Variants in MAN2A1 observed in about 807,000 individuals in gnomAD.
MAN2A1 encodes the protein mannosidase alpha class 2A member 1.
Under a neutral mutation model 142.6 loss-of-function variants are expected in MAN2A1, and 76 were observed. The observed-to-expected ratio is 0.53, with a 90% CI of 0.44 to 0.65. MAN2A1 has a LOEUF of 0.65. Ranked by LOEUF, MAN2A1 falls within the 30% of genes least tolerant of loss-of-function variation. The probability of loss-of-function intolerance (pLI) is 0.00; values close to 1 mark genes in which losing one functional copy is unlikely to be tolerated. For synonymous variants in MAN2A1, 559 were observed against 473.2 expected (o/e 1.18, Z -2.35); for missense variants, 1,311 against 1,365.1 (o/e 0.96, Z 0.62).
At chr5:109,839,110 G>A (rs1755131284) in intron 16 of MAN2A1, among the ~76,000 whole-genome samples, 1 of 151,996 alleles carries the variant, frequency 6.6e-6, no homozygotes, top group African/African-American at 2.4e-5. Context: ...TTCTTTTAGT[G>A]AATTAGAGTT....
intron 3 of MAN2A1, among the ~76,000 whole-genome samples, chr5:109,718,971 TATTCTTAAAAAAAAAAAAACTTATTTAAA>T (rs1175650496): frequency 5.4e-4 from 55 of 101,524 alleles, no homozygotes; most frequent in African/African-American, 3.6e-3. Flanking sequence ...TACTTATTTC[TATTCTTAAAAAAAAAAAAACTTATTTAAA>T]GTACTCTTTT....
chr5:109,790,447 G>C lies in MAN2A1; in HGVS notation c.1943+920G>C, dbSNP rs545485355. Among the ~76,000 whole-genome samples, 498 of 151,976 alleles carry C rather than the reference G, an allele frequency of 3.3e-3. 1 individual carries two copies. Among genetic ancestry groups the C allele is most frequent in the Non-Finnish European group, 4.5e-3 (307 of 67,876 alleles). On this transcript the variant is annotated intron_variant, in intron 12 of 21. Transcript: ENST00000261483. ...TAAGTAGAGACATAAGGTGTATACA[G>C]CTTATTCCTTAGAACGAGATAATAA...
chr5:109,793,407 G>A (rs1229216032), intron 12 of MAN2A1, among the ~76,000 whole-genome samples: 1 of 152,102 alleles, frequency 6.6e-6, no homozygotes, highest in Admixed American at 6.6e-5. Context: ...AACATAGCAA[G>A]AGTAATTACA....
intron 8 of MAN2A1, among the ~76,000 whole-genome samples, chr5:109,775,886 AT>A (rs1374597133): frequency 2.6e-5 from 4 of 152,028 alleles, no homozygotes; most frequent in African/African-American, 9.7e-5. Flanking sequence ...CATATATTGC[AT>A]TTGATCAAGT....
intron 20 of MAN2A1, among the ~76,000 whole-genome samples, chr5:109,860,816 C>T (rs1222470013): frequency 6.6e-6 from 1 of 152,104 alleles, no homozygotes; most frequent in Non-Finnish European, 1.5e-5. Context: ...ATTACAATTT[C>T]CAAAGCTTGG....
intron 1 of MAN2A1, among the ~76,000 whole-genome samples, chr5:109,709,824 A>C (rs1751245160): frequency 6.6e-6 from 1 of 152,202 alleles, no homozygotes; most frequent in Non-Finnish European, 1.5e-5. Flanking sequence ...CAAATCAAAG[A>C]ATAAAGTAGT....
At chr5:109,718,483 G>C (rs868211111) in intron 3 of MAN2A1, among the ~76,000 whole-genome samples, 1 of 152,278 alleles carries the variant, frequency 6.6e-6, no homozygotes, top group Middle Eastern at 3.4e-3. Context: ...TAGCTAACAA[G>C]GGGCACCAGA....
At chr5:109,740,938 G>A (rs1454592831) in intron 4 of MAN2A1, among the ~76,000 whole-genome samples, 2 of 151,744 alleles carry the variant, frequency 1.3e-5, no homozygotes, top group South Asian at 2.1e-4. Context: ...TTTTTCTTAG[G>A]TTGAACCATA....
intron 3 of MAN2A1, 111 bp downstream of exon 3, chr5:109,716,375 C>T (rs1254140543): frequency 2.5e-6 from 2 of 809,318 alleles, no homozygotes; most frequent in South Asian, 2.1e-5. Context: ...ACATTATTCT[C>T]TGACTTTTAA....
chr5:109,726,661 C>T (rs993539983), intron 3 of MAN2A1, among the ~76,000 whole-genome samples: 6 of 151,990 alleles, frequency 3.9e-5, no homozygotes, highest in Admixed American at 2.6e-4. Context: ...TTTGAAATGG[C>T]CTTAGTTCAT....
chr5:109,770,565 G>T (rs765976795), intron 7 of MAN2A1, 24 bp downstream of exon 7: 26 of 1,603,544 alleles, frequency 1.6e-5, no homozygotes, highest in Non-Finnish European at 3.4e-6. Flanking sequence ...TATTTCATAA[G>T]ACAACATCTT....
At chr5:109,800,589 G>T (rs1311476534) in intron 12 of MAN2A1, among the ~76,000 whole-genome samples, 1 of 152,192 alleles carries the variant, frequency 6.6e-6, no homozygotes, top group Non-Finnish European at 1.5e-5. Context: ...TATCAGTAAT[G>T]AATTGGTCAA....
intron 1 of MAN2A1, among the ~76,000 whole-genome samples, chr5:109,708,645 G>GCTGGTAGC (rs766078643): frequency 7.2e-5 from 11 of 152,014 alleles, no homozygotes; most frequent in Non-Finnish European, 1.3e-4. Context: ...AACCAGAGAA[G>GCTGGTAGC]CTGGTAGCAG....
At chr5:109,775,892 T>G (rs1193570219) in intron 8 of MAN2A1, among the ~76,000 whole-genome samples, 2 of 152,124 alleles carry the variant, frequency 1.3e-5, no homozygotes, top group African/African-American at 4.8e-5. Flanking sequence ...TTGCATTTGA[T>G]CAAGTTTTTA....
intron 20 of MAN2A1, among the ~76,000 whole-genome samples, chr5:109,859,345 C>T (rs1311036437): frequency 2.0e-5 from 3 of 152,162 alleles, no homozygotes; most frequent in African/African-American, 7.2e-5. Flanking sequence ...TTTAGACAGA[C>T]ATATCTTGCT....
At chr5:109,746,294 G>A (rs1355928896) in intron 4 of MAN2A1, among the ~76,000 whole-genome samples, 1 of 152,074 alleles carries the variant, frequency 6.6e-6, no homozygotes, top group African/African-American at 2.4e-5. Flanking sequence ...TTAGTTTTCA[G>A]TGCTTAGGAG....
At chr5:109,857,317 G>A (rs1459214409) in intron 20 of MAN2A1, among the ~76,000 whole-genome samples, 1 of 150,724 alleles carries the variant, frequency 6.6e-6, no homozygotes, top group Non-Finnish European at 1.5e-5. Context: ...GGATTCTGCT[G>A]TGGTTTTTTG....
At chr5:109,826,646 C>T (rs1343833831) in intron 16 of MAN2A1, among the ~76,000 whole-genome samples, 1 of 152,218 alleles carries the variant, frequency 6.6e-6, no homozygotes, top group Non-Finnish European at 1.5e-5. Flanking sequence ...ATTGCCTGAA[C>T]ACTCGGGTTG....
Position 109,784,803 on chromosome 5 carries a change from A to T in MAN2A1, c.1637A>T (p.Lys546Ile). 1.9e-6 allele frequency: 3 copies of T among 1,611,882 alleles called. No individual in the cohort carries two copies. The South Asian group carries it at 3.3e-5, about 18-fold the overall frequency. The change falls in exon 10 of 22, where the codon AAA (lysine) becomes ATA (isoleucine). Residue 546 changes from lysine to isoleucine, a missense_variant. Physicochemically the swap from Lys to Ile is moderately radical, Grantham distance 102. Coordinates refer to ENST00000261483, the MANE Select transcript of MAN2A1 (RefSeq NM_002372.4). The stretch of plus-strand genomic sequence containing the variant: ...CAAGCTCACAAATACAAGATAAATA[A>T]ATTTCTCTCATCATCACTTTACACG... ...LRQAHKYKIN[K>I]FLSSSLYTAL...
Sources: gnomAD v4.1 joint callset for allele counts (sites outside exome capture counted in the v4.1 genomes callset) on GRCh38, gnomAD v4.1.1 for gene constraint, MANE v1.5 for transcripts, NCBI Gene and HGNC (gene_info 2026-07-23, HGNC 2026-07-21) for gene names.